ABI2: variants seen among roughly 807,000 people sequenced by gnomAD.
ABI2 encodes the protein abl interactor 2.
Under a neutral mutation model 59.2 loss-of-function variants are expected in ABI2, and 25 were observed. The ratio of observed to expected loss-of-function variants is 0.42; its 90% CI spans 0.31 to 0.59. ABI2 has a LOEUF of 0.59. ABI2 is among the 20% of genes least tolerant of loss of function. The pLI, the probability that ABI2 is intolerant of heterozygous loss-of-function variation, is 0.14. For synonymous variants in ABI2, 213 were observed against 235.5 expected, an observed-to-expected ratio of 0.90 and a Z score of 0.87; for missense variants, 545 against 681.8, an observed-to-expected ratio of 0.80 and a Z score of 2.23.
chr2:203,364,640 C>A (rs981135059), intron 1 of ABI2, among the ~76,000 whole-genome samples: 1 of 152,030 alleles, frequency 6.6e-6, no homozygotes, highest in Admixed American at 6.6e-5. Context: ...ATCTTTTGGA[C>A]CTCTTATGCT....
intron 1 of ABI2, among the ~76,000 whole-genome samples, chr2:203,360,215 T>G (rs1267255343): frequency 1.3e-5 from 2 of 150,648 alleles, no homozygotes; most frequent in Non-Finnish European, 3.0e-5. Context: ...AAAGAAGCAG[T>G]TGTACCCTAA....
chr2:203,420,662 G>A (rs2098158900), intron 11 of ABI2, among the ~76,000 whole-genome samples: 2 of 151,994 alleles, frequency 1.3e-5, no homozygotes, highest in Non-Finnish European at 2.9e-5. Context: ...CAAAGTGCTG[G>A]GATTACAGGT....
intron 11 of ABI2, among the ~76,000 whole-genome samples, chr2:203,422,653 C>T (rs888084973): frequency 1.3e-4 from 20 of 151,942 alleles, no homozygotes; most frequent in Non-Finnish European, 2.5e-4. Context: ...ACTACAGGAA[C>T]ATTAGACAAA....
At position 203,423,074 on chromosome 2, in the gene ABI2, G is replaced by A. The variant is rs2098283254; in HGVS notation, c.1454-4103G>A. On this transcript the variant is annotated intron_variant, in intron 11 of 11. Coordinates refer to ENST00000261018, the MANE Select transcript of ABI2 (RefSeq NM_001375670.1). Reference sequence around the variant, plus strand: ...AGTTTAGGGTACTTAATTGTTAGGTGTGGTTGCTAATACCCTACAATATTT... The same window carrying A: ...AGTTTAGGGTACTTAATTGTTAGGTATGGTTGCTAATACCCTACAATATTT... Among the ~76,000 whole-genome samples, 4 of 152,326 alleles carry A rather than the reference G, an allele frequency of 2.6e-5. No individual in the cohort carries two copies. In the South Asian group the frequency reaches 6.2e-4, roughly 24 times the overall value.
intron 1 of ABI2, among the ~76,000 whole-genome samples, chr2:203,350,265 C>T (rs1297069105): frequency 2.0e-5 from 3 of 152,114 alleles, no homozygotes; most frequent in Non-Finnish European, 2.9e-5. Flanking sequence ...TTAGTAGAGA[C>T]GAGGTTTCAC....
rs1459143612 is a variant in ABI2 at position 203,431,519 on chromosome 2, C to A, written c.*4167C>A. 6.6e-6 allele frequency: 1 copy of A among 152,414 alleles called. No individual in the cohort carries two copies. Among genetic ancestry groups the A allele is most frequent in the Non-Finnish European group, 1.5e-5 (1 of 68,004 alleles). 9.4% of individuals were successfully genotyped at this position (152,414 alleles called of 1,614,324 possible). A position where few individuals can be genotyped will look rare whatever the true frequency, so the allele number is the denominator to read the frequency against. ...AAACTACACTCAGTATAAACACTTT[C>A]CCATAAGGTGTGTGCAGTAAAAATG... is the stretch of plus-strand genomic sequence containing the variant. On this transcript the variant is annotated 3_prime_UTR_variant, in exon 12 of 12. Transcript: ENST00000261018.
At chr2:203,367,910 G>A (rs1391953594) in intron 2 of ABI2, among the ~76,000 whole-genome samples, 1 of 151,988 alleles carries the variant, frequency 6.6e-6, no homozygotes, top group African/African-American at 2.4e-5. Flanking sequence ...AGGCTAAGGT[G>A]GGAGGATCAT....
chr2:203,402,504 T>A (rs2097264457), intron 8 of ABI2, 72 bp from the exon 9 acceptor site: 1 of 1,145,846 alleles, frequency 8.7e-7, no homozygotes, highest in Non-Finnish European at 1.1e-6. Context: ...ATTTAGGCAT[T>A]GTACATAAAG....
chr2:203,381,556 C>T (rs2096130054), intron 3 of ABI2, among the ~76,000 whole-genome samples: 2 of 152,172 alleles, frequency 1.3e-5, no homozygotes, highest in South Asian at 2.1e-4. Flanking sequence ...TGTAAGCCAT[C>T]GTGCCTGCCC....
intron 2 of ABI2, among the ~76,000 whole-genome samples, chr2:203,370,054 T>C (rs2094968213): frequency 6.6e-6 from 1 of 152,168 alleles, no homozygotes; most frequent in South Asian, 2.1e-4. Flanking sequence ...AAACAAATAG[T>C]AAATACTCTA....
At chr2:203,385,879 T>A (rs2096485131) in intron 4 of ABI2, among the ~76,000 whole-genome samples, 3 of 152,256 alleles carry the variant, frequency 2.0e-5, no homozygotes, top group African/African-American at 7.2e-5. Flanking sequence ...TGTTTCTCTT[T>A]CCTCTTACTC....
In ABI2 at chr2:203,408,833, C is replaced by CTTTTTTTTTT. The variant is rs1156536730; in HGVS notation, c.1193-2445_1193-2436dup. 3.1e-3 allele frequency among the ~76,000 whole-genome samples: 267 copies of CTTTTTTTTTT among 87,164 alleles called. 38 individuals are homozygous for CTTTTTTTTTT. Among genetic ancestry groups the CTTTTTTTTTT allele is most frequent in the African/African-American group, 7.0e-3 (189 of 26,812 alleles). The allele number at this position is 87,164 out of a possible 152,430, so 57.2% of individuals were successfully genotyped here. On this transcript the variant is annotated intron_variant, in intron 9 of 11. Transcript: ENST00000261018. ...TTTTGTCTATGCTACCTTCTCCTTT[C>CTTTTTTTTTT]TTTTTTTTTTTTTTTTGAGACGGAG...
At chr2:203,418,090 G>A (rs910785275) in intron 11 of ABI2, among the ~76,000 whole-genome samples, 1 of 152,098 alleles carries the variant, frequency 6.6e-6, no homozygotes, top group African/African-American at 2.4e-5. Context: ...AGAGAAGAAA[G>A]TGGAAAAAAA....
chr2:203,337,938 G>A (rs918427743), intron 1 of ABI2, among the ~76,000 whole-genome samples: 1 of 152,202 alleles, frequency 6.6e-6, no homozygotes, highest in African/African-American at 2.4e-5. Flanking sequence ...GCTGAGTTGG[G>A]AGAATCGCTT....
chr2:203,355,524 CAACAAAA>C (rs766184910), intron 1 of ABI2, among the ~76,000 whole-genome samples: 5 of 149,072 alleles, frequency 3.4e-5, no homozygotes, highest in Admixed American at 6.7e-5. Flanking sequence ...CAAAAGAAAA[CAACAAAA>C]AACAAAAAAC....
At chr2:203,340,812 C>T (rs2079414894) in intron 1 of ABI2, among the ~76,000 whole-genome samples, 3 of 151,884 alleles carry the variant, frequency 2.0e-5, no homozygotes. Context: ...TCAGTTATAC[C>T]TCAGCAAAGC....
chr2:203,397,308 C>CAA (rs956019841), intron 8 of ABI2, among the ~76,000 whole-genome samples: 14 of 151,942 alleles, frequency 9.2e-5, no homozygotes, highest in African/African-American at 3.4e-4. Flanking sequence ...AAGTGATTAA[C>CAA]AAAAGTCTAT....
At chr2:203,348,742 C>T (rs1019000954) in intron 1 of ABI2, among the ~76,000 whole-genome samples, 2 of 152,052 alleles carry the variant, frequency 1.3e-5, no homozygotes, top group African/African-American at 4.8e-5. Context: ...TTTTCTTCCT[C>T]CCATCACGTA....
At chr2:203,420,636 G>A (rs1300743610) in intron 11 of ABI2, among the ~76,000 whole-genome samples, 7 of 152,000 alleles carry the variant, frequency 4.6e-5, no homozygotes, top group East Asian at 1.9e-4. Context: ...CTTGTGATCC[G>A]CCCACCTCGG....
Sources: allele counts gnomAD v4.1 joint callset (sites outside exome capture counted in the v4.1 genomes callset), GRCh38; gene constraint gnomAD v4.1.1; transcripts MANE v1.5; gene names NCBI Gene and HGNC (gene_info 2026-07-23, HGNC 2026-07-21).